THRAP3: variants seen among roughly 807,000 people sequenced by gnomAD.
The protein encoded by THRAP3 is thyroid hormone receptor associated protein 3.
A neutral mutation model predicts 101.0 loss-of-function variants in THRAP3; 16 were observed. The ratio of observed to expected loss-of-function variants is 0.16; its 90% CI spans 0.11 to 0.24. THRAP3 has a LOEUF of 0.24. THRAP3 is among the 10% of genes least tolerant of loss of function. The pLI, the probability that THRAP3 is intolerant of heterozygous loss-of-function variation, is 1.00. For synonymous variants in THRAP3, 407 were observed against 422.6 expected (o/e 0.96, Z 0.45); for missense variants, 989 against 1,202.7 (o/e 0.82, Z 2.63).
intron 2 of THRAP3, among the ~76,000 whole-genome samples, chr1:36,276,459 G>A (rs1645661586): frequency 2.0e-5 from 3 of 151,192 alleles, no homozygotes; most frequent in African/African-American, 4.9e-5. Context: ...GGGAGGCGGA[G>A]GTTGCAGTGA....
chr1:36,217,056 T>C, the THRAP3 span, among the ~76,000 whole-genome samples: 1 of 152,168 alleles, frequency 6.6e-6, no homozygotes, highest in African/African-American at 2.4e-5. Context: ...CTGATCATCA[T>C]AGTACAGGGC....
At chr1:36,279,624 C>A (rs1345232519) in intron 2 of THRAP3, among the ~76,000 whole-genome samples, 1 of 152,072 alleles carries the variant, frequency 6.6e-6, no homozygotes, top group Non-Finnish European at 1.5e-5. Context: ...GGATTAAAAC[C>A]GTGGGTTCTT....
At chr1:36,295,884 C>A (rs1238120842) in intron 8 of THRAP3, among the ~76,000 whole-genome samples, 1 of 147,170 alleles carries the variant, frequency 6.8e-6, no homozygotes, top group Admixed American at 6.9e-5. Context: ...AGCTTTTCTA[C>A]TCTTAGTGGT....
chr1:36,215,586 T>C, the THRAP3 span, among the ~76,000 whole-genome samples: 1 of 152,132 alleles, frequency 6.6e-6, no homozygotes, highest in African/African-American at 2.4e-5. Flanking sequence ...CAGCAAGCCT[T>C]TTCTTAAGGG....
intron 1 of THRAP3, among the ~76,000 whole-genome samples, chr1:36,230,494 C>T (rs1439968518): frequency 4.0e-5 from 6 of 151,844 alleles, no homozygotes; most frequent in Non-Finnish European, 1.5e-5. Context: ...AACTCCTGAC[C>T]TCAGGTGATC....
intron 9 of THRAP3, among the ~76,000 whole-genome samples, chr1:36,300,434 A>G (rs1646017931): frequency 6.6e-6 from 1 of 152,260 alleles, no homozygotes; most frequent in Non-Finnish European, 1.5e-5. Flanking sequence ...GTTTATTTAG[A>G]GAACCCTGTA....
Position 36,290,156 on chromosome 1 carries a change from TTATTG to T in THRAP3, c.1745+407_1745+411del, listed in dbSNP as rs554210696. 3.3e-3 allele frequency among the ~76,000 whole-genome samples: 501 copies of T among 152,220 alleles called. 4 individuals are homozygous for T. The highest frequency in any genetic ancestry group is 0.012 in the African/African-American group (482 of 41,540). On this transcript the variant is annotated intron_variant, in intron 5 of 11. Coordinates refer to ENST00000354618, the MANE Select transcript of THRAP3 (RefSeq NM_005119.4). ...TTCCCCATCAAATAACGTAGCAATT[TTATTG>T]TATTGTATTGTATTTTTGAGATAGT... is the stretch of plus-strand genomic sequence containing the variant.
At chr1:36,294,144 C>T (rs965842708) in intron 8 of THRAP3, 6 of 1,330,024 alleles carry the variant, frequency 4.5e-6, no homozygotes, top group Non-Finnish European at 5.8e-6. Context: ...GTAAATGACC[C>T]CAAAGTCTAT....
At chr1:36,224,596 G>A (rs1276831965) in intron 1 of THRAP3, 91 bp downstream of exon 1, 2 of 152,666 alleles carry the variant, frequency 1.3e-5, no homozygotes, top group African/African-American at 4.8e-5. Context: ...CTGGTCAGGG[G>A]CTCGGGGAAG....
chr1:36,279,688 T>C (rs1364960287), intron 2 of THRAP3, among the ~76,000 whole-genome samples: 1 of 152,216 alleles, frequency 6.6e-6, no homozygotes, highest in Non-Finnish European at 1.5e-5. Flanking sequence ...TGACTTCTTA[T>C]TAGTTTCTCA....
intron 9 of THRAP3, 37 bp downstream of exon 9, chr1:36,296,807 G>T (rs768839948): frequency 1.3e-6 from 2 of 1,513,502 alleles, no homozygotes; most frequent in Non-Finnish European, 1.8e-6. Context: ...AGACTCTTAA[G>T]TTTCTTGTCT....
At chr1:36,274,522 T>G (rs1645630792) in intron 2 of THRAP3, among the ~76,000 whole-genome samples, 1 of 151,808 alleles carries the variant, frequency 6.6e-6, no homozygotes. Flanking sequence ...GTACTATAGC[T>G]ACACTAATTA....
Position 36,289,712 on chromosome 1 carries a change from C to T in THRAP3, c.1693C>T (p.Arg565Ter). Residue 565 changes from arginine to a stop codon, truncating the protein, a stop_gained, in exon 5 of 12, where the codon CGA (arginine) becomes TGA (stop). Transcript: ENST00000354618. LOFTEE classifies it high-confidence loss of function. ...PTGKSSFSIT[R>*]EAQVNVRMDS... ...AGGAAAGTCTTCCTTTTCCATTACT[C>T]GAGAGGCACAGGTCAATGTCCGGAT... 6.2e-7 allele frequency: 1 copy of T among 1,613,856 alleles called. No homozygotes were observed. The highest frequency in any genetic ancestry group is 8.5e-7 in the Non-Finnish European group (1 of 1,179,912).
In THRAP3 at chr1:36,263,344, C is replaced by G. The variant is rs369140957; in HGVS notation, c.-32+3860C>G. On this transcript the variant is annotated intron_variant, in intron 2 of 11. Coordinates refer to ENST00000354618, the MANE Select transcript of THRAP3 (RefSeq NM_005119.4). ...CAAACTCTTGGGCTCAAGTGATCCA[C>G]CCGCCTTGGCCTCTCAAAGTGCTAG... is the stretch of plus-strand genomic sequence containing the variant. Among the ~76,000 whole-genome samples the G allele has an allele frequency of 2.6e-4, 39 of 152,244 alleles. 1 individual carries two copies. Among genetic ancestry groups the G allele is most frequent in the African/African-American group, 8.7e-4 (36 of 41,546 alleles).
At chr1:36,296,453 G>T in intron 8 of THRAP3, 130 bp from the exon 9 acceptor site, 1 of 687,200 alleles carries the variant, frequency 1.5e-6, no homozygotes, top group Non-Finnish European at 2.4e-6. Flanking sequence ...TCCAAGCTTG[G>T]GTGAGATGCC....
intron 1 of THRAP3, among the ~76,000 whole-genome samples, chr1:36,255,975 C>T (rs1194858222): frequency 6.6e-6 from 1 of 151,890 alleles, no homozygotes; most frequent in African/African-American, 2.4e-5. Flanking sequence ...CTGAGTGACA[C>T]GCTGGTCTAA....
chr1:36,215,831 C>A, the THRAP3 span, among the ~76,000 whole-genome samples: 1 of 151,550 alleles, frequency 6.6e-6, no homozygotes, highest in East Asian at 1.9e-4. Context: ...CTCAACGCAA[C>A]CTCTGCCTCC....
chr1:36,286,923 T>C lies in THRAP3; in HGVS notation c.693T>C (p.Gly231=). ...KPWPDATYGT[G]SASRASAVSE... ...GGCCAGATGCCACCTACGGCACTGG[T>C]TCTGCATCACGGGCCTCAGCAGTTT... The change falls in exon 4 of 12, where the codon GGT becomes GGC. Residue 231 remains glycine (G), a synonymous_variant. Transcript: ENST00000354618. The surrounding 1 kb of genome is among the most constrained non-coding windows in gnomAD (Gnocchi z 5.5). The C allele has an allele frequency of 1.2e-6, 2 of 1,614,186 alleles. No homozygotes were observed. The highest frequency in any genetic ancestry group is 1.7e-6 in the Non-Finnish European group (2 of 1,180,030).
At chr1:36,268,620 A>G (rs1645545505) in intron 2 of THRAP3, among the ~76,000 whole-genome samples, 1 of 152,168 alleles carries the variant, frequency 6.6e-6, no homozygotes, top group Non-Finnish European at 1.5e-5. Context: ...CTCCTGTCTC[A>G]GCTTCCATAG....
Sources: allele counts gnomAD v4.1 joint callset (sites outside exome capture counted in the v4.1 genomes callset), GRCh38; gene constraint gnomAD v4.1.1; non-coding constraint Gnocchi (gnomAD v3.1); transcripts MANE v1.5; gene names NCBI Gene and HGNC (gene_info 2026-07-23, HGNC 2026-07-21).